RXRA: variants seen among roughly 807,000 people sequenced by gnomAD.
RXRA encodes the protein retinoid X receptor alpha, also known as retinoic acid receptor RXR-alpha.
Under a neutral mutation model 44.5 loss-of-function variants are expected in RXRA, and 5 were observed. The ratio of observed to expected loss-of-function variants is 0.11; its 90% CI spans 0.06 to 0.24. The LOEUF (loss-of-function observed/expected upper bound fraction) is 0.24, where lower values mean the gene tolerates loss of function less well. RXRA is among the 10% of genes least tolerant of loss of function. The pLI, the probability that RXRA is intolerant of heterozygous loss-of-function variation, is 1.00. For synonymous variants in RXRA, 291 were observed against 271.4 expected (o/e 1.07, Z -0.71); for missense variants, 412 against 646.5 (o/e 0.64, Z 3.93).
intron 1 of RXRA, among the ~76,000 whole-genome samples, chr9:134,394,503 G>C (rs941116270): frequency 1.3e-5 from 2 of 152,258 alleles, no homozygotes; most frequent in Admixed American, 1.3e-4. Flanking sequence ...AGGTCAAGGT[G>C]TGTGGGTCAC....
At position 134,407,639 on chromosome 9, in the gene RXRA, CTGCGGTGTTG is replaced by C. The variant is rs1831075163; in HGVS notation, c.280-507_280-498del. Among the ~76,000 whole-genome samples the C allele has an allele frequency of 6.6e-6, 1 of 152,060 alleles. No homozygotes were observed. Among genetic ancestry groups the C allele is most frequent in the African/African-American group, 2.4e-5 (1 of 41,402 alleles). On this transcript the variant is annotated intron_variant, in intron 2 of 9. Transcript: ENST00000481739. The surrounding 1 kb of genome is among the most constrained non-coding windows in gnomAD (Gnocchi z 4.8). ...GGGTCACGTGACCAGGGCCCCTGCC[CTGCGGTGTTG>C]TGGGGTGTATGTGTGGTTCTTGGGG...
Position 134,433,011 on chromosome 9 carries a change from G to C in RXRA, c.1135+1015G>C, listed in dbSNP as rs1473997561. 6.6e-6 allele frequency among the ~76,000 whole-genome samples: 1 copy of C among 152,118 alleles called. No individual in the cohort carries two copies. The highest frequency in any genetic ancestry group is 1.5e-5 in the Non-Finnish European group (1 of 68,012). ...TGGGGTGTGGAGGGAGAGGTTTGGG[G>C]CTGCTGTGGGGAGCTCACTTGGGCT... On this transcript the variant is annotated intron_variant, in intron 8 of 9. Transcript: ENST00000481739. The surrounding 1 kb of genome is among the most constrained non-coding windows in gnomAD (Gnocchi z 4.2).
chr9:134,333,690 C>T (rs985670529), intron 1 of RXRA, among the ~76,000 whole-genome samples: 4 of 152,308 alleles, frequency 2.6e-5, no homozygotes, highest in Admixed American at 1.3e-4. Flanking sequence ...TGGGAAGCCC[C>T]GGGGAGGGAT....
intron 1 of RXRA, among the ~76,000 whole-genome samples, chr9:134,390,557 C>T (rs1009183736): frequency 3.9e-5 from 6 of 152,308 alleles, no homozygotes; most frequent in East Asian, 1.9e-4. Flanking sequence ...GAGCCTGACC[C>T]GGGCCCTCAG....
chr9:134,335,926 C>T lies in RXRA; in HGVS notation c.28+9267C>T, dbSNP rs545723151. Among the ~76,000 whole-genome samples the T allele has an allele frequency of 1.5e-4, 23 of 152,306 alleles. No individual in the cohort carries two copies. The South Asian group carries it at 1.9e-3, about 12-fold the overall frequency. On this transcript the variant is annotated intron_variant, in intron 1 of 9. Transcript: ENST00000481739. Reference sequence around the variant, plus strand: ...GTGGGCAGCTTAGGCGCCATTTGCCCGGGAGCCCCCTGTGTGAGTGCAAGG... The same window carrying T: ...GTGGGCAGCTTAGGCGCCATTTGCCTGGGAGCCCCCTGTGTGAGTGCAAGG...
intron 6 of RXRA, chr9:134,425,963 C>T (rs540823980): frequency 2.0e-6 from 2 of 985,428 alleles, no homozygotes; most frequent in African/African-American, 3.5e-5. Context: ...CCCGAGGCCC[C>T]AGCTTCCCCA....
At chr9:134,418,546 C>T (rs138341204) in intron 5 of RXRA, among the ~76,000 whole-genome samples, 287 of 152,318 alleles carry the variant, frequency 1.9e-3, no homozygotes, top group African/African-American at 6.8e-3. Context: ...CTCCCCACCC[C>T]CCAGGGCCTT....
chr9:134,331,350 G>A (rs781816903), intron 1 of RXRA, among the ~76,000 whole-genome samples: 3 of 152,276 alleles, frequency 2.0e-5, no homozygotes, highest in Non-Finnish European at 4.4e-5. Flanking sequence ...GGAGCAGAAA[G>A]CAGCTAAGGA....
chr9:134,332,469 C>T (rs930350563), intron 1 of RXRA, among the ~76,000 whole-genome samples: 6 of 151,142 alleles, frequency 4.0e-5, no homozygotes, highest in African/African-American at 7.3e-5. Context: ...CTTGTCCACA[C>T]GTGGCTTAGG....
At chr9:134,358,954 A>C (rs1440411918) in intron 1 of RXRA, among the ~76,000 whole-genome samples, 2 of 152,270 alleles carry the variant, frequency 1.3e-5, no homozygotes, top group African/African-American at 4.8e-5. Context: ...GGGGATTTTC[A>C]TTAAGCGTTG....
intron 4 of RXRA, among the ~76,000 whole-genome samples, chr9:134,416,141 C>T (rs2119175286): frequency 6.6e-6 from 1 of 152,226 alleles, no homozygotes; most frequent in South Asian, 2.1e-4. Context: ...CCATCTGGGT[C>T]CTAGCCTGTC....
intron 1 of RXRA, among the ~76,000 whole-genome samples, chr9:134,339,619 CTCTG>C (rs1554747825): frequency 7.9e-6 from 1 of 126,246 alleles, no homozygotes; most frequent in African/African-American, 3.1e-5. Context: ...CTGTGTGAGT[CTCTG>C]TGTGTGTGAG....
chr9:134,341,997 A>AC (rs1448939884), intron 1 of RXRA, among the ~76,000 whole-genome samples: 2 of 152,064 alleles, frequency 1.3e-5, no homozygotes, highest in Non-Finnish European at 2.9e-5. Context: ...GTGAAGCCCA[A>AC]CCCTGGGGGT....
In RXRA at chr9:134,422,563, ACTCCCGGGACACTCCCCT is replaced by A. The variant is rs1220449946; in HGVS notation, c.910+776_910+793del. On this transcript the variant is annotated intron_variant, in intron 6 of 9. Transcript: ENST00000481739. ...ACTCCCCCCTCCTGGGACAGTCCCCACTCCCGGGACACTCCCCTCTCCCGGGACACTCCCCGCTCCCAG... is the reference window on the plus strand; with the variant it reads ...ACTCCCCCCTCCTGGGACAGTCCCCACTCCCGGGACACTCCCCGCTCCCAG... 56 of 876,418 alleles carry A rather than the reference ACTCCCGGGACACTCCCCT, an allele frequency of 6.4e-5. No homozygotes were observed. The East Asian group carries it at 1.3e-3, about 20-fold the overall frequency. The allele number at this position is 876,418 out of a possible 1,614,324, so 54.3% of individuals were successfully genotyped here.
Position 134,437,473 on chromosome 9 carries a change from T to G in RXRA, c.*859T>G, listed in dbSNP as rs1179607398. ...GGGTGGGCTGAGGCTTGTCCTTGTT[T>G]CCTGCAGGGCTGGCCCTGGCTCGGG... On this transcript the variant is annotated 3_prime_UTR_variant, in exon 10 of 10. Coordinates refer to ENST00000481739, the MANE Select transcript of RXRA (RefSeq NM_002957.6). The G allele has an allele frequency of 6.6e-6, 1 of 152,620 alleles. No individual in the cohort carries two copies. The highest frequency in any genetic ancestry group is 1.9e-4 in the East Asian group (1 of 5,184). The allele number at this position is 152,620 out of a possible 1,614,324, so 9.5% of individuals were successfully genotyped here.
chr9:134,417,877 T>C lies in RXRA; in HGVS notation c.780+550T>C, dbSNP rs975338089. 4.6e-5 allele frequency among the ~76,000 whole-genome samples: 7 copies of C among 151,650 alleles called. No homozygotes were observed. The highest frequency in any genetic ancestry group is 1.5e-4 in the African/African-American group (6 of 41,302). Reference sequence around the variant, plus strand: ...CTGGTCACCCCCATGCTGACCCTCCTGCCCCCTCCCACCCCAACAGCCTCA... The same window carrying C: ...CTGGTCACCCCCATGCTGACCCTCCCGCCCCCTCCCACCCCAACAGCCTCA... On this transcript the variant is annotated intron_variant, in intron 5 of 9. Coordinates refer to ENST00000481739, the MANE Select transcript of RXRA (RefSeq NM_002957.6). This position sits in a 1 kb window ranked among gnomAD's most constrained non-coding sequence, Gnocchi z 6.1.
rs528395498 is a variant in RXRA, at chr9:134,412,202, G to A, written c.610+3083G>A. Among the ~76,000 whole-genome samples the A allele has an allele frequency of 1.5e-4, 23 of 152,348 alleles. No homozygotes were observed. The South Asian group carries it at 3.9e-3, about 26-fold the overall frequency. ...ATGGGGCCAAGTTGGCCAACACTAG[G>A]TGCCTGTGGCCCAGAGCATGCAGGA... On this transcript the variant is annotated intron_variant, in intron 4 of 9. Coordinates refer to ENST00000481739, the MANE Select transcript of RXRA (RefSeq NM_002957.6).
rs1039961903 is a variant in RXRA at position 134,432,875 on chromosome 9, G to T, written c.1135+879G>T. ...GGCCTTGAAAGTCTTGCTAAGTTTG[G>T]GTTTTTTCTTGGGGCCACAGGGAGC... On this transcript the variant is annotated intron_variant, in intron 8 of 9. Transcript: ENST00000481739. Among the ~76,000 whole-genome samples, 5 of 152,194 alleles carry T rather than the reference G, an allele frequency of 3.3e-5. No individual in the cohort carries two copies. The East Asian group carries it at 9.6e-4, about 29-fold the overall frequency.
In RXRA at chr9:134,349,981, C is replaced by T. The variant is rs1275688560; in HGVS notation, c.28+23322C>T. ...CCCAGGCACTGCTGGGACCCCTTCC[C>T]CAAGCCCAGGACCCCTGATTCATGC... On this transcript the variant is annotated intron_variant, in intron 1 of 9. Transcript: ENST00000481739. The surrounding 1 kb of genome is among the most constrained non-coding windows in gnomAD (Gnocchi z 4.3). Among the ~76,000 whole-genome samples, 3 of 152,176 alleles carry T rather than the reference C, an allele frequency of 2.0e-5. No homozygotes were observed. The highest frequency in any genetic ancestry group is 3.9e-4 in the East Asian group (2 of 5,158).
Sources: gnomAD v4.1 joint callset for allele counts (sites outside exome capture counted in the v4.1 genomes callset) on GRCh38, gnomAD v4.1.1 for gene constraint, Gnocchi (gnomAD v3.1) non-coding constraint, MANE v1.5 for transcripts, NCBI Gene and HGNC (gene_info 2026-07-23, HGNC 2026-07-21) for gene names.